The following TXNDC11 variants were observed in gnomAD, a reference collection of about 807,000 sequenced individuals.
TXNDC11 encodes thioredoxin domain-containing protein 11.
Under a neutral mutation model 78.0 loss-of-function variants are expected in TXNDC11, and 68 were observed. The ratio of observed to expected loss-of-function variants is 0.87; its 90% CI spans 0.72 to 1.07. TXNDC11 has a LOEUF of 1.07. Among genes scored for constraint, TXNDC11 ranks in the 50% least tolerant of loss-of-function variants. The probability of loss-of-function intolerance (pLI) is 0.00; values close to 1 mark genes in which losing one functional copy is unlikely to be tolerated. For missense variants in TXNDC11, 1,389 were observed against 1,221.8 expected (o/e 1.14, Z -2.04); for synonymous variants, 571 against 495.2 (o/e 1.15, Z -2.03).
In TXNDC11 at chr16:11,688,285, C is replaced by CCT; in HGVS notation, c.2043+16_2043+17dup. The stretch of plus-strand genomic sequence containing the variant: ...AGAGGGACAGATGGCTTAACTTTTG[C>CCT]CTCTCATGACTCCATACCTGTTTTT... On this transcript the variant is annotated intron_variant, in intron 9 of 11. Transcript: ENST00000283033. 6.2e-7 allele frequency: 1 copy of CCT among 1,606,374 alleles called. No homozygotes were observed. The highest frequency in any genetic ancestry group is 8.5e-7 in the Non-Finnish European group (1 of 1,176,856).
chr16:11,716,591 T>G (rs2051533588), intron 5 of TXNDC11, among the ~76,000 whole-genome samples: 1 of 152,188 alleles, frequency 6.6e-6, no homozygotes, highest in Non-Finnish European at 1.5e-5. Flanking sequence ...TAATGAGAGA[T>G]ATGTAAGACC....
At chr16:11,707,896 AAG>A (rs935755536) in intron 5 of TXNDC11, among the ~76,000 whole-genome samples, 33 of 151,986 alleles carry the variant, frequency 2.2e-4, no homozygotes, top group Middle Eastern at 6.8e-3. Flanking sequence ...CAGCCTGGGC[AAG>A]AGAGTGAGAC....
At chr16:11,708,779 C>G (rs562477067) in intron 5 of TXNDC11, among the ~76,000 whole-genome samples, 2 of 152,192 alleles carry the variant, frequency 1.3e-5, no homozygotes, top group African/African-American at 2.4e-5. Flanking sequence ...TACCAAAAGG[C>G]AAACCTGTAT....
intron 11 of TXNDC11, among the ~76,000 whole-genome samples, chr16:11,682,816 T>C (rs558158769): frequency 5.3e-5 from 8 of 152,238 alleles, no homozygotes; most frequent in African/African-American, 1.4e-4. Flanking sequence ...CTGTTTTTAG[T>C]GCATGATGTG....
intron 5 of TXNDC11, among the ~76,000 whole-genome samples, chr16:11,715,348 C>T (rs940820084): frequency 2.6e-5 from 4 of 151,816 alleles, no homozygotes; most frequent in African/African-American, 9.7e-5. Context: ...TGTTGGTGCA[C>T]ACCTGTAGTT....
intron 1 of TXNDC11, among the ~76,000 whole-genome samples, chr16:11,737,992 G>A (rs1030181025): frequency 1.3e-5 from 2 of 152,114 alleles, no homozygotes; most frequent in African/African-American, 4.8e-5. Flanking sequence ...GCATAAGGAT[G>A]GGAAAAGAAA....
intron 6 of TXNDC11, among the ~76,000 whole-genome samples, 155 bp from the exon 7 acceptor site, chr16:11,698,480 C>T (rs34338246): frequency 0.014 from 2,087 of 152,348 alleles, 22 homozygotes; most frequent in Admixed American, 0.023. Context: ...CCCGCTTCTC[C>T]AGAGACAGCA....
intron 4 of TXNDC11, among the ~76,000 whole-genome samples, chr16:11,727,852 G>C (rs10492852): frequency 1.3e-5 from 2 of 151,986 alleles, no homozygotes; most frequent in Non-Finnish European, 2.9e-5. Flanking sequence ...CAATTCTTCA[G>C]AGCAGTAGTT....
intron 3 of TXNDC11, among the ~76,000 whole-genome samples, chr16:11,731,456 C>G (rs922113817): frequency 6.6e-6 from 1 of 152,194 alleles, no homozygotes; most frequent in Admixed American, 6.5e-5. Flanking sequence ...CTAAGCTAAT[C>G]AGAATTCTCA....
At chr16:11,690,863 G>C (rs1051483961) in intron 8 of TXNDC11, 2 of 170,828 alleles carry the variant, frequency 1.2e-5, no homozygotes, top group African/African-American at 4.8e-5. Context: ...CCCGGCCACT[G>C]CTTTCTCTTT....
At chr16:11,694,800 G>T (rs1396902670) in intron 7 of TXNDC11, among the ~76,000 whole-genome samples, 1 of 152,210 alleles carries the variant, frequency 6.6e-6, no homozygotes, top group Non-Finnish European at 1.5e-5. Context: ...TCCTATGAAG[G>T]GGAATTTATG....
At chr16:11,690,924 AG>A (rs1269445309) in intron 8 of TXNDC11, 1 of 252,282 alleles carries the variant, frequency 4.0e-6, no homozygotes, top group East Asian at 1.1e-4. Flanking sequence ...ATCAGCCCCT[AG>A]GACATCCCAC....
intron 7 of TXNDC11, among the ~76,000 whole-genome samples, chr16:11,697,422 C>A (rs2050888038): frequency 6.6e-6 from 1 of 152,090 alleles, no homozygotes; most frequent in Non-Finnish European, 1.5e-5. Context: ...ATTTTGCCAC[C>A]CCAGGCTCGC....
chr16:11,728,917 C>T (rs554859735), intron 4 of TXNDC11, among the ~76,000 whole-genome samples: 1 of 152,030 alleles, frequency 6.6e-6, no homozygotes, highest in African/African-American at 2.4e-5. Context: ...AGAAGAATCA[C>T]TTGAACCTGA....
chr16:11,731,913 A>C (rs2052066093), intron 3 of TXNDC11, among the ~76,000 whole-genome samples: 1 of 152,172 alleles, frequency 6.6e-6, no homozygotes, highest in South Asian at 2.1e-4. Context: ...ACCACCAATA[A>C]TTTTTAATTT....
intron 7 of TXNDC11, among the ~76,000 whole-genome samples, chr16:11,697,100 C>T (rs2050879528): frequency 6.6e-6 from 1 of 152,246 alleles, no homozygotes; most frequent in South Asian, 2.1e-4. Flanking sequence ...TGAGTCCTCC[C>T]TAATTAGAGG....
At chr16:11,726,532 A>AT (rs2051883128) in intron 4 of TXNDC11, among the ~76,000 whole-genome samples, 1 of 148,946 alleles carries the variant, frequency 6.7e-6, no homozygotes, top group Non-Finnish European at 1.5e-5. Flanking sequence ...GTGAGCCAAG[A>AT]TCACGCCGCT....
At chr16:11,718,090 G>C (rs1030999686) in intron 5 of TXNDC11, among the ~76,000 whole-genome samples, 1 of 152,128 alleles carries the variant, frequency 6.6e-6, no homozygotes, top group Non-Finnish European at 1.5e-5. Flanking sequence ...CACAGAACCC[G>C]ATCTTATAAC....
intron 6 of TXNDC11, 120 bp from the exon 7 acceptor site, chr16:11,698,445 G>A (rs958438545): frequency 1.2e-6 from 1 of 816,802 alleles, no homozygotes; most frequent in African/African-American, 1.7e-5. Flanking sequence ...GTGGAGCGGG[G>A]CCTGGCCCCA....
Sources: allele counts gnomAD v4.1 joint callset (sites outside exome capture counted in the v4.1 genomes callset), GRCh38; gene constraint gnomAD v4.1.1; transcripts MANE v1.5; gene names NCBI Gene and HGNC (gene_info 2026-07-23, HGNC 2026-07-21).